The following PTPA variants were observed in gnomAD, a reference collection of about 807,000 sequenced individuals.
PTPA encodes protein phosphatase 2 phosphatase activator, also known as serine/threonine-protein phosphatase 2A activator.
Under a neutral mutation model 43.6 loss-of-function variants are expected in PTPA, and 13 were observed. The ratio of observed to expected loss-of-function variants is 0.30; its 90% confidence interval spans 0.19 to 0.47. The LOEUF (loss-of-function observed/expected upper bound fraction) is 0.47, where lower values mean the gene tolerates loss of function less well. Ranked by LOEUF, PTPA falls within the 20% of genes least tolerant of loss-of-function variation. The probability of loss-of-function intolerance (pLI) is 0.99; values close to 1 mark genes in which losing one functional copy is unlikely to be tolerated. For missense variants in PTPA, 329 were observed against 411.9 expected (o/e 0.80, Z 1.74); for synonymous variants, 172 against 158.2 (o/e 1.09, Z -0.66).
chr9:129,123,524 C>G (rs1849392187), intron 3 of PTPA, among the ~76,000 whole-genome samples: 1 of 151,922 alleles, frequency 6.6e-6, no homozygotes, highest in Non-Finnish European at 1.5e-5. Context: ...ACCACGGGGC[C>G]AGAGCAGAAA....
intron 1 of PTPA, among the ~76,000 whole-genome samples, chr9:129,112,114 A>G (rs2131524329): frequency 6.6e-6 from 1 of 152,188 alleles, no homozygotes; most frequent in Non-Finnish European, 1.5e-5. Flanking sequence ...CTCACCCCTC[A>G]TCCTCCTACT....
chr9:129,123,095 G>A lies in PTPA; in HGVS notation c.173G>A (p.Gly58Asp), dbSNP rs764066902. 6.2e-7 allele frequency: 1 copy of A among 1,612,612 alleles called. No homozygotes were observed. The highest frequency in any genetic ancestry group is 1.1e-5 in the South Asian group (1 of 91,074). The change falls in exon 3 of 10, where the codon GGT becomes GAT. Residue 58 changes from glycine (G) to aspartate (D), a missense_variant. By Grantham distance (94) the Gly-to-Asp change is moderately conservative. Coordinates refer to ENST00000393370, the MANE Select transcript of PTPA (RefSeq NM_178000.3). ...YIGFILTLNE[G>D]VKGKKLTFEY... ...GGATTCATCCTTACCCTCAACGAAG[G>A]TGTGAAGGGGAAGAAGCTGACCTTC...
rs754311515 is a variant in PTPA at position 129,147,401 on chromosome 9, C to A, written c.909C>A (p.Phe303Leu). Reference sequence around the variant, plus strand: ...CTTCCTCACAGTGCCTGGAGAAGTTCCCTGTGATCCAGCACTTCAAGTTCG... The same window carrying A: ...CTTCCTCACAGTGCCTGGAGAAGTTACCTGTGATCCAGCACTTCAAGTTCG... Reference protein sequence around the residue: ...RMYKAECLEKFPVIQHFKFGS... With the variant: ...RMYKAECLEKLPVIQHFKFGS... The change falls in exon 10 of 10, where the codon TTC (phenylalanine) becomes TTA (leucine). Residue 303 changes from phenylalanine (F) to leucine (L), a missense_variant. Phe to Leu is a conservative substitution (Grantham distance 22). Transcript: ENST00000393370. The A allele has an allele frequency of 2.5e-6, 4 of 1,613,886 alleles. No homozygotes were observed. The Admixed American group carries it at 6.7e-5, about 27-fold the overall frequency.
intron 1 of PTPA, among the ~76,000 whole-genome samples, chr9:129,115,932 C>T (rs536401473): frequency 2.0e-5 from 3 of 152,250 alleles, no homozygotes; most frequent in South Asian, 2.1e-4. Context: ...CCTGAGCCAC[C>T]GCGCCTGGCC....
rs1850374560 is a variant in PTPA at position 129,136,452 on chromosome 9, T to G, written c.561-19T>G. On this transcript the variant is annotated intron_variant, in intron 6 of 9. Coordinates refer to ENST00000393370, the MANE Select transcript of PTPA (RefSeq NM_178000.3). The stretch of plus-strand genomic sequence containing the variant: ...TTTTTACTTTTTGCTACCTTCCCTT[T>G]CCCTGTCCTCCTGTGCAGGTACCTT... 1.3e-6 allele frequency: 2 copies of G among 1,599,568 alleles called. No individual in the cohort carries two copies. The highest frequency in any genetic ancestry group is 3.5e-5 in the Admixed American group (2 of 57,920).
chr9:129,136,191 T>C (rs1850355869), intron 6 of PTPA, among the ~76,000 whole-genome samples: 1 of 152,100 alleles, frequency 6.6e-6, no homozygotes, highest in African/African-American at 2.4e-5. Flanking sequence ...ATGGTCTCGA[T>C]CTCCTGACCT....
chr9:129,127,884 TTAAA>T (rs1849682338), intron 3 of PTPA: 1 of 967,746 alleles, frequency 1.0e-6, no homozygotes, highest in Non-Finnish European at 1.5e-6. Flanking sequence ...CAGTGAGGAA[TTAAA>T]TTAATTATAA....
intron 9 of PTPA, chr9:129,142,850 C>T (rs1850988360): frequency 6.5e-7 from 1 of 1,529,814 alleles, no homozygotes; most frequent in Admixed American, 2.0e-5. Flanking sequence ...TGGGGGCCTC[C>T]CTTCTCCTTT....
At chr9:129,124,931 G>A (rs1849480777) in intron 3 of PTPA, among the ~76,000 whole-genome samples, 2 of 152,210 alleles carry the variant, frequency 1.3e-5, no homozygotes, top group Non-Finnish European at 2.9e-5. Flanking sequence ...GGTGACCTAG[G>A]TCCTGTTCTG....
intron 3 of PTPA, 141 bp from the exon 4 acceptor site, chr9:129,128,844 T>G: frequency 1.0e-6 from 1 of 981,846 alleles, no homozygotes; most frequent in Non-Finnish European, 1.5e-6. Flanking sequence ...TTCAGAACAG[T>G]GGGGAAGAAA....
At position 129,128,436 on chromosome 9, in the gene PTPA, T is replaced by G. The variant is rs534887115; in HGVS notation, c.217-549T>G. ...CTTTAGTCCCAGCTACTTGGGAGGC[T>G]GAGGCAGGAGAATCGCTTGAACCTG... On this transcript the variant is annotated intron_variant, in intron 3 of 9. Transcript: ENST00000393370. 2.6e-5 allele frequency among the ~76,000 whole-genome samples: 4 copies of G among 151,010 alleles called. No individual in the cohort carries two copies. The South Asian group carries it at 8.4e-4, about 32-fold the overall frequency.
rs779314530 is a variant in PTPA, at chr9:129,142,459, A to G, written c.801A>G (p.Pro267=). The change falls in exon 9 of 10, where the codon CCA becomes CCG. Residue 267 remains proline (P), a synonymous_variant. Coordinates refer to ENST00000393370, the MANE Select transcript of PTPA (RefSeq NM_178000.3). ...ILFITEMKTG[P]FAEHSNQLWN... ...CTCTTTTTCAGATGAAGACTGGCCC[A>G]TTTGCAGAGCACTCCAACCAGCTGT... The G allele has an allele frequency of 1.9e-6, 3 of 1,589,430 alleles. No individual in the cohort carries two copies. The highest frequency in any genetic ancestry group is 2.6e-6 in the Non-Finnish European group (3 of 1,163,450).
intron 2 of PTPA, among the ~76,000 whole-genome samples, chr9:129,122,079 T>C (rs1286871308): frequency 4.0e-5 from 6 of 151,672 alleles, no homozygotes; most frequent in Non-Finnish European, 8.8e-5. Context: ...TCCCAGCAAC[T>C]GCCTCTCTAG....
chr9:129,145,665 G>C lies in PTPA; in HGVS notation c.895-1722G>C, dbSNP rs146078705. Among the ~76,000 whole-genome samples, 772 of 152,276 alleles carry C rather than the reference G, an allele frequency of 5.1e-3. 5 individuals are homozygous for C. The highest frequency in any genetic ancestry group is 0.017 in the African/African-American group (717 of 41,552). On this transcript the variant is annotated intron_variant, in intron 9 of 9. Coordinates refer to ENST00000393370, the MANE Select transcript of PTPA (RefSeq NM_178000.3). ...CAGGATTTGGGTCTAACTCTGCTCT[G>C]TCCCAGCCTTTCTGACCGAAGAACC...
At chr9:129,134,296 CTTTTTTTTTTTTTTT>C (rs68089837) in intron 5 of PTPA, among the ~76,000 whole-genome samples, 1 of 56,886 alleles carries the variant, frequency 1.8e-5, no homozygotes, top group Admixed American at 2.7e-4. Flanking sequence ...ACTGGTAGTT[CTTTTTTTTTTTTTTT>C]TTTTTTTTTT....
At chr9:129,140,895 G>A (rs1850758524) in intron 8 of PTPA, among the ~76,000 whole-genome samples, 1 of 152,178 alleles carries the variant, frequency 6.6e-6, no homozygotes, top group African/African-American at 2.4e-5. Flanking sequence ...GGCTCGGGGT[G>A]CCTGGCTGCC....
At chr9:129,130,957 C>T (rs79842617) in intron 4 of PTPA, among the ~76,000 whole-genome samples, 1 of 152,176 alleles carries the variant, frequency 6.6e-6, no homozygotes, top group South Asian at 2.1e-4. Flanking sequence ...AATGTCATGT[C>T]TGAGATTCAT....
intron 1 of PTPA, chr9:129,111,971 T>A: frequency 6.1e-6 from 2 of 327,768 alleles, no homozygotes; most frequent in Non-Finnish European, 1.1e-5. Flanking sequence ...GCTGACTCGG[T>A]GGGGAAGCTG....
intron 1 of PTPA, among the ~76,000 whole-genome samples, chr9:129,119,926 G>A (rs998680493): frequency 2.0e-5 from 3 of 151,986 alleles, no homozygotes; most frequent in African/African-American, 7.2e-5. Flanking sequence ...GTATGTGTCT[G>A]GTTTATTCTA....
Sources: allele counts gnomAD v4.1 joint callset (sites outside exome capture counted in the v4.1 genomes callset), GRCh38; gene constraint gnomAD v4.1.1; transcripts MANE v1.5; gene names NCBI Gene and HGNC (gene_info 2026-07-23, HGNC 2026-07-21).